The following DCC variants were observed in gnomAD, a reference collection of about 807,000 sequenced individuals.
DCC encodes the protein netrin receptor DCC.
A neutral mutation model predicts 172.5 loss-of-function variants in DCC; 58 were observed. The observed-to-expected ratio is 0.34, with a 90% CI of 0.27 to 0.42. The LOEUF (loss-of-function observed/expected upper bound fraction) is 0.42, where lower values mean the gene tolerates loss of function less well. DCC is among the 10% of genes least tolerant of loss of function. DCC has a pLI of 1.00. For synonymous variants in DCC, 709 were observed against 644.5 expected, an observed-to-expected ratio of 1.10 and a Z score of -1.52; for missense variants, 1,740 against 1,791.0, an observed-to-expected ratio of 0.97 and a Z score of 0.51.
intron 1 of DCC, among the ~76,000 whole-genome samples, chr18:52,739,993 G>A (rs1338061265): frequency 5.9e-5 from 9 of 152,082 alleles, no homozygotes; most frequent in Non-Finnish European, 1.3e-4. Context: ...TTTAGAATTT[G>A]GAACAACCAA....
intron 2 of DCC, among the ~76,000 whole-genome samples, chr18:52,825,338 C>A (rs915685160): frequency 6.6e-6 from 1 of 152,090 alleles, no homozygotes; most frequent in Non-Finnish European, 1.5e-5. Context: ...ATATGCATAT[C>A]ATACCTTGGT....
intron 28 of DCC, among the ~76,000 whole-genome samples, chr18:53,527,120 T>A (rs1483374219): frequency 6.6e-6 from 1 of 151,578 alleles, no homozygotes; most frequent in East Asian, 2.0e-4. Flanking sequence ...TGTGTGTGTG[T>A]GTGTGTGTGT....
At chr18:52,873,259 C>T (rs2039349996) in intron 2 of DCC, among the ~76,000 whole-genome samples, 1 of 152,172 alleles carries the variant, frequency 6.6e-6, no homozygotes, top group African/African-American at 2.4e-5. Flanking sequence ...TTCTACCTCC[C>T]AGTAAACAGT....
At chr18:52,486,588 C>CT (rs2030237086) in intron 1 of DCC, among the ~76,000 whole-genome samples, 1 of 152,124 alleles carries the variant, frequency 6.6e-6, no homozygotes, top group Non-Finnish European at 1.5e-5. Flanking sequence ...AGTTATGCTG[C>CT]TGTACAAAGC....
chr18:52,879,724 C>T (rs1425707451), intron 2 of DCC, among the ~76,000 whole-genome samples: 2 of 152,070 alleles, frequency 1.3e-5, no homozygotes, highest in African/African-American at 4.8e-5. Context: ...GCCACCATGC[C>T]CAGCCATGTT....
At chr18:53,317,641 A>C (rs2057359650) in intron 13 of DCC, among the ~76,000 whole-genome samples, 1 of 152,072 alleles carries the variant, frequency 6.6e-6, no homozygotes, top group South Asian at 2.1e-4. Context: ...CTATTTCTGC[A>C]TCAATTCCAG....
intron 2 of DCC, 66 bp from the exon 3 acceptor site, chr18:52,905,978 A>G: frequency 3.7e-6 from 4 of 1,075,774 alleles, no homozygotes; most frequent in Non-Finnish European, 5.8e-6. Flanking sequence ...CAAAGTGATT[A>G]TTTTTATTGG....
chr18:53,453,214 C>A (rs1340117755), intron 23 of DCC, among the ~76,000 whole-genome samples: 2 of 152,116 alleles, frequency 1.3e-5, no homozygotes, highest in African/African-American at 4.8e-5. Flanking sequence ...CGCGCCCGGC[C>A]CCTTATAGTT....
At chr18:53,258,719 C>T (rs1046905092) in intron 12 of DCC, among the ~76,000 whole-genome samples, 1 of 152,134 alleles carries the variant, frequency 6.6e-6, no homozygotes, top group African/African-American at 2.4e-5. Flanking sequence ...CTGTAGATGT[C>T]TATTAGGTCC....
chr18:53,232,763 G>A (rs1348245640), intron 12 of DCC, among the ~76,000 whole-genome samples: 2 of 151,998 alleles, frequency 1.3e-5, no homozygotes, highest in African/African-American at 4.8e-5. Context: ...ACCATACCCA[G>A]GCCATATTTT....
intron 11 of DCC, among the ~76,000 whole-genome samples, chr18:53,208,315 G>A (rs140115856): frequency 1.3e-5 from 2 of 151,646 alleles, no homozygotes; most frequent in East Asian, 1.9e-4. Context: ...ATATACATAT[G>A]TATATACTCT....
chr18:53,339,828 C>A lies in DCC; in HGVS notation c.2280C>A (p.Ile760=). 2 of 1,613,920 alleles carry A rather than the reference C, an allele frequency of 1.2e-6. No individual in the cohort carries two copies. The highest frequency in any genetic ancestry group is 1.7e-6 in the Non-Finnish European group (2 of 1,179,938). The change falls in exon 15 of 29, where the codon ATC becomes ATA. Residue 760 remains isoleucine (I), a synonymous_variant. Coordinates refer to ENST00000442544, the MANE Select transcript of DCC (RefSeq NM_005215.4). ...NPNIVVRGYI[I]GYGVGSPYAE... ...ACATCGTGGTGCGAGGTTATATTAT[C>A]GGTTATGGCGTTGGGAGCCCTTACG...
rs571954889 is a variant in DCC at position 53,240,163 on chromosome 18, C to A, written c.1911+24566C>A. 9.9e-5 allele frequency among the ~76,000 whole-genome samples: 15 copies of A among 151,442 alleles called. 1 individual carries two copies. The South Asian group carries it at 2.9e-3, about 30-fold the overall frequency. ...ATAATTACTATGAAAGTTATAATTA[C>A]TTTTATATTAGACTAGATTTTTTTC... On this transcript the variant is annotated intron_variant, in intron 12 of 28. Coordinates refer to ENST00000442544, the MANE Select transcript of DCC (RefSeq NM_005215.4).
intron 20 of DCC, among the ~76,000 whole-genome samples, 171 bp downstream of exon 20, chr18:53,410,817 G>C (rs1909937622): frequency 6.6e-6 from 1 of 152,084 alleles, no homozygotes; most frequent in African/African-American, 2.4e-5. Context: ...ACATATCAAA[G>C]AAAGATCTGC....
chr18:53,041,969 C>T (rs1232086539), intron 5 of DCC, among the ~76,000 whole-genome samples: 13 of 151,994 alleles, frequency 8.6e-5, no homozygotes, highest in African/African-American at 2.9e-4. Context: ...AATTTGACTC[C>T]TCTCTTCCTA....
At chr18:52,469,928 C>T (rs1988898291) in intron 1 of DCC, among the ~76,000 whole-genome samples, 1 of 152,178 alleles carries the variant, frequency 6.6e-6, no homozygotes, top group Non-Finnish European at 1.5e-5. Flanking sequence ...CTGGAAGTGG[C>T]ATACATCACA....
At chr18:52,394,409 G>A (rs572443841) in intron 1 of DCC, among the ~76,000 whole-genome samples, 8 of 151,856 alleles carry the variant, frequency 5.3e-5, no homozygotes, top group Non-Finnish European at 8.8e-5. Flanking sequence ...AGGACCACAC[G>A]TGTGCTCTAC....
chr18:52,736,506 A>C (rs1438353631), intron 1 of DCC, among the ~76,000 whole-genome samples: 1 of 152,104 alleles, frequency 6.6e-6, no homozygotes, highest in African/African-American at 2.4e-5. Context: ...GCTGTGCAAG[A>C]GCGAGGGCAC....
intron 1 of DCC, among the ~76,000 whole-genome samples, chr18:52,622,862 A>G (rs533344449): frequency 6.6e-6 from 1 of 152,328 alleles, no homozygotes; most frequent in East Asian, 1.9e-4. Flanking sequence ...AAATGATCAT[A>G]GAAGGAATTT....
Sources: gnomAD v4.1 joint callset for allele counts (sites outside exome capture counted in the v4.1 genomes callset) on GRCh38, gnomAD v4.1.1 for gene constraint, MANE v1.5 for transcripts, NCBI Gene and HGNC (gene_info 2026-07-23, HGNC 2026-07-21) for gene names.